Variants in CDON observed in about 807,000 individuals in gnomAD.
CDON encodes cell adhesion molecule-related/down-regulated by oncogenes.
CDON carries 73 observed loss-of-function variants against 120.9 expected under a neutral mutation model. That is an observed-to-expected ratio of 0.60 (90% CI 0.50 to 0.73). CDON has a LOEUF of 0.73. CDON is among the 30% of genes least tolerant of loss of function. The pLI, the probability that CDON is intolerant of heterozygous loss-of-function variation, is 0.00. For missense variants in CDON, 1,470 were observed against 1,587.3 expected, an observed-to-expected ratio of 0.93 and a Z score of 1.26; for synonymous variants, 566 against 573.5, an observed-to-expected ratio of 0.99 and a Z score of 0.19.
chr11:125,973,303 C>A (rs187678194), intron 18 of CDON, among the ~76,000 whole-genome samples: 2 of 152,002 alleles, frequency 1.3e-5, no homozygotes, highest in Non-Finnish European at 2.9e-5. Flanking sequence ...GAGGCCAAGA[C>A]GGGTGGATCA....
At chr11:126,059,483 C>G (rs1176386498) in intron 1 of CDON, among the ~76,000 whole-genome samples, 1 of 150,888 alleles carries the variant, frequency 6.6e-6, no homozygotes, top group Non-Finnish European at 1.5e-5. Flanking sequence ...CCCCTCAACC[C>G]CCCCTGCCCG....
chr11:126,040,247 T>A (rs1330388181), intron 1 of CDON, among the ~76,000 whole-genome samples: 1 of 152,126 alleles, frequency 6.6e-6, no homozygotes, highest in Non-Finnish European at 1.5e-5. Context: ...AAAAAATAAC[T>A]TTTTAAAAAA....
chr11:126,018,373 A>C lies in CDON; in HGVS notation c.597T>G (p.His199Gln). Residue 199 changes from histidine to glutamine, a missense_variant, in exon 5 of 20, where the codon CAT becomes CAG. His to Gln is a conservative substitution (Grantham distance 24). Transcript: ENST00000531738. ...YKCAAYNPVT[H>Q]QLKVEPIGRK... ...GGCCAATAGGTTCAACTTTTAATTG[A>C]TGTGTGACAGGATTATAAGCTGCAC... is the stretch of plus-strand genomic sequence containing the variant. 1 of 1,614,040 alleles carries C rather than the reference A, an allele frequency of 6.2e-7. No individual in the cohort carries two copies. Among genetic ancestry groups the C allele is most frequent in the Non-Finnish European group, 8.5e-7 (1 of 1,179,938 alleles).
At chr11:125,974,143 G>A (rs566971047) in intron 18 of CDON, among the ~76,000 whole-genome samples, 55 of 152,074 alleles carry the variant, frequency 3.6e-4, no homozygotes, top group South Asian at 1.7e-3. Context: ...TGATCCGCCC[G>A]CCATAGCCTC....
chr11:125,974,732 C>T (rs1178176815), intron 18 of CDON, among the ~76,000 whole-genome samples: 1 of 151,938 alleles, frequency 6.6e-6, no homozygotes, highest in Non-Finnish European at 1.5e-5. Context: ...TCCATTCTAC[C>T]CCCTGAAGCC....
intron 12 of CDON, among the ~76,000 whole-genome samples, chr11:125,996,699 C>CA (rs71048761): frequency 0.28 from 15,074 of 53,044 alleles, 2,817 homozygotes; most frequent in East Asian, 0.46. Flanking sequence ...GACTCCATCT[C>CA]AAAAAAAAAA....
intron 1 of CDON, among the ~76,000 whole-genome samples, chr11:126,028,188 G>T (rs998489705): frequency 6.6e-6 from 1 of 151,864 alleles, no homozygotes; most frequent in Non-Finnish European, 1.5e-5. Context: ...ATACATAAAC[G>T]TATAAAAAGG....
intron 1 of CDON, among the ~76,000 whole-genome samples, chr11:126,042,618 A>G (rs182159351): frequency 1.1e-4 from 17 of 152,236 alleles, no homozygotes; most frequent in South Asian, 1.0e-3. Flanking sequence ...GATTTTATTT[A>G]TTTACTTTAG....
At chr11:125,986,609 C>T (rs868227941) in intron 15 of CDON, among the ~76,000 whole-genome samples, 5 of 151,642 alleles carry the variant, frequency 3.3e-5, no homozygotes, top group Middle Eastern at 3.2e-3. Flanking sequence ...ACTAAAAATA[C>T]AAAAAATTAG....
intron 1 of CDON, among the ~76,000 whole-genome samples, chr11:126,038,957 G>A (rs1260125221): frequency 6.6e-6 from 1 of 152,166 alleles, no homozygotes; most frequent in Non-Finnish European, 1.5e-5. Flanking sequence ...GCCAACAGTA[G>A]TACTAATAAA....
At chr11:126,027,649 T>A (rs911087480) in intron 1 of CDON, among the ~76,000 whole-genome samples, 4 of 152,196 alleles carry the variant, frequency 2.6e-5, no homozygotes, top group African/African-American at 9.7e-5. Context: ...GCGGCCTTAA[T>A]GTATAAGTCA....
upstream of CDON, chr11:126,063,103 G>C (rs1045486438): frequency 6.6e-6 from 1 of 152,254 alleles, no homozygotes; most frequent in Non-Finnish European, 1.5e-5. Flanking sequence ...GACGGAGGGG[G>C]GCACGCTCTG....
intron 1 of CDON, among the ~76,000 whole-genome samples, chr11:126,025,916 G>A (rs1947781462): frequency 6.6e-6 from 1 of 152,024 alleles, no homozygotes; most frequent in Non-Finnish European, 1.5e-5. Context: ...CTCCAGATAT[G>A]GCCAATTCTT....
In CDON at chr11:125,995,065, A is replaced by G; in HGVS notation, c.2363-13T>C. On this transcript the variant is annotated splice_polypyrimidine_tract_variant and intron_variant, in intron 12 of 19. Coordinates refer to ENST00000531738, the MANE Select transcript of CDON (RefSeq NM_001378964.1). ...TTGTATGTTGAACCTTTGAGGGAAA[A>G]CAAAAACAAACAAACAACAACAACA... is the stretch of plus-strand genomic sequence containing the variant. 1 of 1,599,036 alleles carries G rather than the reference A, an allele frequency of 6.3e-7. No homozygotes were observed. Among genetic ancestry groups the G allele is most frequent in the Non-Finnish European group, 8.5e-7 (1 of 1,170,374 alleles).
chr11:126,015,033 A>T, intron 7 of CDON: 2 of 595,446 alleles, frequency 3.4e-6, no homozygotes, highest in South Asian at 2.1e-5. Context: ...AAAATTTTTT[A>T]AAAACTTTTT....
intron 1 of CDON, among the ~76,000 whole-genome samples, chr11:126,059,062 T>C (rs1472473150): frequency 2.0e-5 from 3 of 152,192 alleles, no homozygotes; most frequent in Non-Finnish European, 4.4e-5. Flanking sequence ...TAAACTAAAA[T>C]ATGCCTATTA....
At position 126,017,258 on chromosome 11, in the gene CDON, A is replaced by G; in HGVS notation, c.758T>C (p.Val253Ala). ...CVVSGVPAPQ[V>A]YWLKDGQDIA... The stretch of plus-strand genomic sequence containing the variant: ...GTCCTGCCCGTCCTTTAGCCAATAC[A>G]CTTGAGGAGCCGGGACCCCACTCAC... Residue 253 changes from valine to alanine, a missense_variant, in exon 6 of 20, where the codon GTG (valine) becomes GCG (alanine). By Grantham distance (64) the Val-to-Ala change is moderately conservative (BLOSUM62 0). Coordinates refer to ENST00000531738, the MANE Select transcript of CDON (RefSeq NM_001378964.1). 1 of 1,613,966 alleles carries G rather than the reference A, an allele frequency of 6.2e-7. No individual in the cohort carries two copies.
intron 1 of CDON, among the ~76,000 whole-genome samples, chr11:126,060,967 A>T (rs941125788): frequency 6.6e-6 from 1 of 152,226 alleles, no homozygotes; most frequent in African/African-American, 2.4e-5. Flanking sequence ...AGTACTTTGC[A>T]CAGAAGAGGA....
At chr11:126,036,568 T>C (rs1948101990) in intron 1 of CDON, among the ~76,000 whole-genome samples, 1 of 152,240 alleles carries the variant, frequency 6.6e-6, no homozygotes, top group South Asian at 2.1e-4. Flanking sequence ...TAGAATACAT[T>C]TCTACCTGTA....
Sources: allele counts gnomAD v4.1 joint callset (sites outside exome capture counted in the v4.1 genomes callset), GRCh38; gene constraint gnomAD v4.1.1; transcripts MANE v1.5; gene names NCBI Gene and HGNC (gene_info 2026-07-23, HGNC 2026-07-21).